ZNF320: variants seen among roughly 807,000 people sequenced by gnomAD.
ZNF320 encodes zinc finger gene 320.
In ZNF320, 2 loss-of-function variants were observed where a neutral mutation model predicts 6.8. The observed-to-expected ratio is 0.29, with a 90% CI of 0.12 to 0.93. The LOEUF is 0.93. ZNF320 is among the 40% of genes least tolerant of loss of function. The pLI is 0.55. For synonymous variants in ZNF320, 208 were observed against 203.2 expected (o/e 1.02, Z -0.20); for missense variants, 472 against 611.0 (o/e 0.77, Z 2.40).
rs371669813 is a variant in ZNF320, at chr19:52,864,701, A to T, written c.224-542T>A. Among the ~76,000 whole-genome samples the T allele has an allele frequency of 1.6e-4, 25 of 152,070 alleles. No homozygotes were observed. The East Asian group carries it at 2.5e-3, about 15-fold the overall frequency. On this transcript the variant is annotated intron_variant, in intron 5 of 5. Coordinates refer to the ZNF320 transcript ENST00000673631. ...ACTATAGCTGGAGCAACAGAGAGACACTCCATCTCAATAAAATAAAAATAA... is the reference window on the plus strand; with the variant it reads ...ACTATAGCTGGAGCAACAGAGAGACTCTCCATCTCAATAAAATAAAAATAA...
chr19:52,898,603 A>T (rs8101252), upstream of ZNF320, among the ~76,000 whole-genome samples: 77 of 152,250 alleles, frequency 5.1e-4, no homozygotes, highest in Admixed American at 1.6e-3. Flanking sequence ...TGGGAGCGTC[A>T]GCAATCTACT....
At chr19:52,902,509 T>C (rs2064574489), upstream of ZNF320, among the ~76,000 whole-genome samples, 3 of 152,264 alleles carry the variant, frequency 2.0e-5, no homozygotes, top group Non-Finnish European at 4.4e-5. Context: ...TGCATCTTGG[T>C]ATGCTGTCTC....
At chr19:52,862,802 G>T in exon 6 of ZNF320, 1 of 342,608 alleles carries the variant, frequency 2.9e-6, no homozygotes. Flanking sequence ...GGTGTGATCT[G>T]CAACTGAAAA....
chr19:52,870,740 T>C (rs2063666612), intron 5 of ZNF320, among the ~76,000 whole-genome samples: 1 of 152,098 alleles, frequency 6.6e-6, no homozygotes, highest in Admixed American at 6.6e-5. Flanking sequence ...TACTCCAGCC[T>C]GGGCAACAGA....
chr19:52,901,624 A>C (rs2064571454), upstream of ZNF320, among the ~76,000 whole-genome samples: 1 of 152,210 alleles, frequency 6.6e-6, no homozygotes, highest in African/African-American at 2.4e-5. Context: ...TGGCGGGGTT[A>C]GGGTGTTGCA....
chr19:52,881,310 A>C lies in ZNF320; in HGVS notation c.816T>G (p.Pro272=), dbSNP rs778925232. Residue 272 remains proline (P), a synonymous_variant, in exon 6 of 6, where the codon CCT becomes CCG. Transcript: ENST00000682928. The part of the protein sequence containing the change: ...YHHRLHTGEK[P]YKCNECGKTF... ...TCTTGCCACACTCATTACATTTGTAAGGTTTCTCTCCAGTATGCAGTCTAT... is the reference window on the plus strand; with the variant it reads ...TCTTGCCACACTCATTACATTTGTACGGTTTCTCTCCAGTATGCAGTCTAT... 4 of 1,613,818 alleles carry C rather than the reference A, an allele frequency of 2.5e-6. No individual in the cohort carries two copies. The highest frequency in any genetic ancestry group is 3.4e-6 in the Non-Finnish European group (4 of 1,179,968).
intron 5 of ZNF320, among the ~76,000 whole-genome samples, chr19:52,884,335 C>T (rs866275134): frequency 2.6e-5 from 4 of 152,084 alleles, no homozygotes; most frequent in Non-Finnish European, 4.4e-5. Context: ...TCTCCCTCCT[C>T]AGCCCAGAGT....
In ZNF320 at chr19:52,862,986, C is replaced by T. The variant is rs79650224; in HGVS notation, c.*1043G>A. 3.1e-4 allele frequency: 56 copies of T among 181,688 alleles called. No homozygotes were observed. In the East Asian group the frequency reaches 8.9e-3, roughly 29 times the overall value. The allele number at this position is 181,688 out of a possible 1,614,324, so 11.3% of individuals were successfully genotyped here. On this transcript the variant is annotated 3_prime_UTR_variant, in exon 6 of 6. Transcript: ENST00000673631. ...GGCAGAGATTGCAGTGAGCTGAGAT[C>T]GCACTGCTGAAAAGACACAAACAAG...
the ZNF320 span, among the ~76,000 whole-genome samples, chr19:52,902,983 A>T: frequency 1.3e-5 from 2 of 152,306 alleles, no homozygotes; most frequent in East Asian, 1.9e-4. Flanking sequence ...TCAAACAATA[A>T]TTTTTTTAAC....
Position 52,890,269 on chromosome 19 carries a change from G to A in ZNF320, c.-14C>T. 6.2e-7 allele frequency: 1 copy of A among 1,606,652 alleles called. No individual in the cohort carries two copies. Among genetic ancestry groups the A allele is most frequent in the East Asian group, 2.2e-5 (1 of 44,830 alleles). On this transcript the variant is annotated 5_prime_UTR_variant, in exon 4 of 6. Transcript: ENST00000682928. The stretch of plus-strand genomic sequence containing the variant: ...AGAAAGAGCCATCCCCGACTCCTTT[G>A]CTTTCCTCTTCCTCTTCTGGGTTTC...
At chr19:52,870,504 C>T (rs2063661768) in intron 5 of ZNF320, among the ~76,000 whole-genome samples, 1 of 145,008 alleles carries the variant, frequency 6.9e-6, no homozygotes, top group South Asian at 2.2e-4. Flanking sequence ...AAGAAAAATA[C>T]TTAAGATCAT....
intron 5 of ZNF320, among the ~76,000 whole-genome samples, chr19:52,868,874 C>T (rs954520209): frequency 1.1e-4 from 17 of 152,170 alleles, no homozygotes; most frequent in South Asian, 1.0e-3. Context: ...CTGATTTAGG[C>T]AGCCTCCAAT....
downstream of ZNF320, among the ~76,000 whole-genome samples, chr19:52,860,617 G>GAAAA (rs1053403673): frequency 6.8e-6 from 1 of 147,926 alleles, no homozygotes. Flanking sequence ...AAAAGAAAAA[G>GAAAA]AAAAAAAAGC....
chr19:52,862,726 A>C (rs554211955), exon 6 of ZNF320: 5 of 439,200 alleles, frequency 1.1e-5, no homozygotes, highest in East Asian at 5.9e-5. Flanking sequence ...AATTGAGCCC[A>C]AAAACCTTTT....
upstream of ZNF320, among the ~76,000 whole-genome samples, chr19:52,898,765 A>C (rs1157565825): frequency 6.6e-6 from 1 of 152,196 alleles, no homozygotes. Flanking sequence ...AGAGAAACAG[A>C]ACAGAGCGGG....
At chr19:52,861,935 C>G in exon 6 of ZNF320, 1 of 365,446 alleles carries the variant, frequency 2.7e-6, no homozygotes, top group Non-Finnish European at 5.5e-6. Context: ...TGAGGTTTCT[C>G]TCCTGTATGA....
At chr19:52,899,544 G>C (rs747573672), upstream of ZNF320, among the ~76,000 whole-genome samples, 2 of 152,068 alleles carry the variant, frequency 1.3e-5, no homozygotes, top group African/African-American at 4.8e-5. Context: ...CTCACTGCAA[G>C]CTCCACCTCC....
In ZNF320 at chr19:52,880,970, T is replaced by G; in HGVS notation, c.1156A>C (p.Thr386Pro). The G allele has an allele frequency of 6.2e-7, 1 of 1,614,082 alleles. No homozygotes were observed. Among genetic ancestry groups the G allele is most frequent in the Non-Finnish European group, 8.5e-7 (1 of 1,179,988 alleles). The change falls in exon 6 of 6, where the codon ACA (threonine) becomes CCA (proline). Residue 386 changes from threonine (T) to proline (P), a missense_variant. Physicochemically the swap from Thr to Pro is conservative, Grantham distance 38 (BLOSUM62 -1). Coordinates refer to ENST00000682928, the MANE Select transcript of ZNF320 (RefSeq NM_001351774.2). ...QRVHTGERPYTCNECGKVFST... is the reference protein window; with the variant it reads ...QRVHTGERPYPCNECGKVFST... ...AAAACCTTGCCACATTCATTACATG[T>G]GTAAGGTCTCTCTCCAGTATGAACT...
chr19:52,891,392 A>G (rs542525354), intron 2 of ZNF320, 46 bp from the exon 3 acceptor site: 2 of 151,816 alleles, frequency 1.3e-5, no homozygotes, highest in African/African-American at 2.4e-5. Context: ...TGTGATAGAG[A>G]TAATAAAACC....
Sources: gnomAD v4.1 joint callset for allele counts (sites outside exome capture counted in the v4.1 genomes callset) on GRCh38, gnomAD v4.1.1 for gene constraint, MANE v1.5 for transcripts, NCBI Gene and HGNC (gene_info 2026-07-23, HGNC 2026-07-21) for gene names.